The following CC2D1B variants were observed in gnomAD, a reference collection of about 807,000 sequenced individuals.
CC2D1B encodes the protein coiled-coil and C2 domain containing 1B.
CC2D1B carries 92 observed loss-of-function variants against 110.8 expected under a neutral mutation model. That is an observed-to-expected ratio of 0.83 (90% CI 0.70 to 0.99). The LOEUF (loss-of-function observed/expected upper bound fraction) is 0.99, where lower values mean the gene tolerates loss of function less well. Ranked by LOEUF, CC2D1B falls within the 50% of genes least tolerant of loss-of-function variation. CC2D1B has a pLI of 0.00. For synonymous variants in CC2D1B, 406 were observed against 429.2 expected (o/e 0.95, Z 0.67); for missense variants, 1,136 against 1,089.0 (o/e 1.04, Z -0.61).
chr1:52,358,593 A>G, intron 12 of CC2D1B, 93 bp downstream of exon 12: 1 of 1,559,908 alleles, frequency 6.4e-7, no homozygotes, highest in Non-Finnish European at 8.8e-7. Context: ...GGGGAGGCAG[A>G]CGCATGAGAA....
intron 5 of CC2D1B, 184 bp downstream of exon 5, chr1:52,360,790 G>T: frequency 1.1e-6 from 1 of 907,614 alleles, no homozygotes; most frequent in East Asian, 2.6e-5. Flanking sequence ...TAGGAGAACA[G>T]AGAGGCCTTT....
rs571093647 is a variant in CC2D1B at position 52,356,444 on chromosome 1, T to C, written c.1879-2A>G. 27 of 1,614,216 alleles carry C rather than the reference T, an allele frequency of 1.7e-5. No homozygotes were observed. The South Asian group carries it at 2.5e-4, about 15-fold the overall frequency. ...CTGCTTGGAGAACAGCAGGCACTTC[T>C]GAAAATAGAGGCCCAGAGTGACTCC... On this transcript the variant is annotated splice_acceptor_variant, in intron 16 of 24. Transcript: ENST00000284376. LOFTEE classifies it high-confidence loss of function.
chr1:52,352,993 G>A lies in CC2D1B; in HGVS notation c.*232C>T. The A allele has an allele frequency of 2.6e-6, 1 of 383,772 alleles. No homozygotes were observed. Among genetic ancestry groups the A allele is most frequent in the Non-Finnish European group, 5.3e-6 (1 of 190,468 alleles). The allele number at this position is 383,772 out of a possible 1,614,324, so 23.8% of individuals were successfully genotyped here. A position where few individuals can be genotyped will look rare whatever the true frequency, so the allele number is the denominator to read the frequency against. ...TGCCCTCTTCCAGACTCGGGGCAGG[G>A]GGAGACAGCGGGGAGATGGGCTCCT... On this transcript the variant is annotated 3_prime_UTR_variant, in exon 25 of 25. Transcript: ENST00000284376.
At position 52,357,036 on chromosome 1, in the gene CC2D1B, C is replaced by T. The variant is rs755889033; in HGVS notation, c.1843G>A (p.Ala615Thr). The T allele has an allele frequency of 2.4e-5, 38 of 1,582,376 alleles. No homozygotes were observed. The Admixed American group carries it at 6.8e-4, about 28-fold the overall frequency. ...RLSQKAEEVYAQLQKMLLEQQ... is the reference protein window; with the variant it reads ...RLSQKAEEVYTQLQKMLLEQQ... The stretch of plus-strand genomic sequence containing the variant: ...TCCAGAAGCATTTTTTGCAGCTGGG[C>T]ATACACCTCCTCCGCCTTCTGGGAG... The change falls in exon 16 of 25, where the codon GCC becomes ACC. Residue 615 changes from alanine to threonine, a missense_variant. Coordinates refer to ENST00000284376, the MANE Select transcript of CC2D1B (RefSeq NM_001330585.2).
At chr1:52,358,129 G>A (rs1036081409) in intron 13 of CC2D1B, 13 of 908,814 alleles carry the variant, frequency 1.4e-5, no homozygotes, top group Non-Finnish European at 2.1e-5. Flanking sequence ...GATGGAGCCG[G>A]GGCTCTGGGT....
At chr1:52,356,619 T>C in intron 16 of CC2D1B, 177 bp from the exon 17 acceptor site, 4 of 666,802 alleles carry the variant, frequency 6.0e-6, no homozygotes, top group South Asian at 5.7e-5. Context: ...GCCTACACTT[T>C]TGTCATTTTC....
Position 52,357,795 on chromosome 1 carries a change from G to A in CC2D1B, c.1565C>T (p.Ser522Leu), listed in dbSNP as rs2147892236. The A allele has an allele frequency of 1.3e-6, 2 of 1,591,230 alleles. No individual in the cohort carries two copies. Among genetic ancestry groups the A allele is most frequent in the Non-Finnish European group, 1.7e-6 (2 of 1,168,182 alleles). ...CCCCAACTCACCAGATGGACTCGGT[G>A]ACTCCTTAGAACTTGAGGCCCTGGG... ...PEPRASSSKE[S>L]PSPSVREQLA... Residue 522 changes from serine to leucine, a missense_variant, in exon 14 of 25, where the codon TCA becomes TTA. Transcript: ENST00000284376.
chr1:52,355,495 G>A (rs1331123329), intron 20 of CC2D1B, 46 bp from the exon 21 acceptor site: 3 of 1,611,730 alleles, frequency 1.9e-6, no homozygotes, highest in South Asian at 2.2e-5. Flanking sequence ...TAAACAAAGA[G>A]GCACACAGGG....
chr1:52,356,917 G>A lies in CC2D1B; in HGVS notation c.1878+84C>T. ...GGAAGAGCTGAGAATTTTGAGTCCA[G>A]GGCTGTGTGGTCTGAGCTCCAGGTC... On this transcript the variant is annotated intron_variant, in intron 16 of 24. Coordinates refer to ENST00000284376, the MANE Select transcript of CC2D1B (RefSeq NM_001330585.2). 3 of 1,448,586 alleles carry A rather than the reference G, an allele frequency of 2.1e-6. No individual in the cohort carries two copies. The South Asian group carries it at 4.1e-5, about 20-fold the overall frequency. 89.7% of individuals were successfully genotyped at this position (1,448,586 alleles called of 1,614,324 possible). A position where few individuals can be genotyped will look rare whatever the true frequency, so the allele number is the denominator to read the frequency against.
chr1:52,357,179 C>T, intron 15 of CC2D1B, 53 bp from the exon 16 acceptor site: 1 of 1,597,982 alleles, frequency 6.3e-7, no homozygotes, highest in East Asian at 2.2e-5. Context: ...ACTCCTCTAC[C>T]AAGTCCAACA....
Position 52,361,386 on chromosome 1 carries a change from A to C in CC2D1B, c.318+127T>G, listed in dbSNP as rs181714050. On this transcript the variant is annotated intron_variant, in intron 4 of 24. Transcript: ENST00000284376. Reference sequence around the variant, plus strand: ...GAGACACGCCACCCACTGTACAGCCAGGAGGGGCAAGCACTCACTCAGAGT... The same window carrying C: ...GAGACACGCCACCCACTGTACAGCCCGGAGGGGCAAGCACTCACTCAGAGT... 1.3e-3 allele frequency: 1,983 copies of C among 1,508,876 alleles called. 7 individuals carry two copies. The highest frequency in any genetic ancestry group is 1.6e-3 in the Non-Finnish European group (1,825 of 1,113,928). The allele number at this position is 1,508,876 out of a possible 1,614,324, so 93.5% of individuals were successfully genotyped here. A position where few individuals can be genotyped will look rare whatever the true frequency, so the allele number is the denominator to read the frequency against.
At position 52,353,372 on chromosome 1, in the gene CC2D1B, A is replaced by G. The variant is rs1646568214; in HGVS notation, c.*1+146T>C. On this transcript the variant is annotated intron_variant, in intron 24 of 24. Coordinates refer to ENST00000284376, the MANE Select transcript of CC2D1B (RefSeq NM_001330585.2). ...CTTCCCAGTTCTACTGAGGAACATCAGAAACTCAGCCCATAAGCCCTACCC... is the reference window on the plus strand; with the variant it reads ...CTTCCCAGTTCTACTGAGGAACATCGGAAACTCAGCCCATAAGCCCTACCC... 3.3e-6 allele frequency: 5 copies of G among 1,512,834 alleles called. No homozygotes were observed. The East Asian group carries it at 9.2e-5, about 28-fold the overall frequency. The allele number at this position is 1,512,834 out of a possible 1,614,324, so 93.7% of individuals were successfully genotyped here. A position where few individuals can be genotyped will look rare whatever the true frequency, so the allele number is the denominator to read the frequency against.
intron 22 of CC2D1B, 63 bp from the exon 23 acceptor site, chr1:52,354,761 A>C: frequency 1.2e-6 from 2 of 1,600,966 alleles, no homozygotes; most frequent in Middle Eastern, 1.7e-4. Context: ...GTGCTGGCTG[A>C]GCCCATGCAG....
rs1356001557 is a variant in CC2D1B at position 52,360,073 on chromosome 1, C to A, written c.763+1G>T. 6 of 1,574,622 alleles carry A rather than the reference C, an allele frequency of 3.8e-6. No individual in the cohort carries two copies. Among genetic ancestry groups the A allele is most frequent in the African/African-American group, 2.7e-5 (2 of 73,926 alleles). On this transcript the variant is annotated splice_donor_variant, in intron 7 of 24. Transcript: ENST00000284376. LOFTEE classifies it high-confidence loss of function. Reference sequence around the variant, plus strand: ...AACAGGATTTGGGCATCTGCAGATACCTGACTCCAAGGCAGGGGGAGCTGG... The same window carrying A: ...AACAGGATTTGGGCATCTGCAGATAACTGACTCCAAGGCAGGGGGAGCTGG...
chr1:52,354,118 A>G (rs995093505), intron 23 of CC2D1B, among the ~76,000 whole-genome samples: 1 of 152,190 alleles, frequency 6.6e-6, no homozygotes, highest in African/African-American at 2.4e-5. Context: ...AAGCAGTACA[A>G]TAGGCCCAAG....
In CC2D1B at chr1:52,356,166, G is replaced by T; in HGVS notation, c.2054+20C>A. On this transcript the variant is annotated intron_variant, in intron 18 of 24. Transcript: ENST00000284376. ...CTGCCCCTCCCTGCCTGGAGCCCCT[G>T]TTTCCCTAGGCCTTGGTACCTCACA... The T allele has an allele frequency of 6.5e-7, 1 of 1,539,808 alleles. No homozygotes were observed. Among genetic ancestry groups the T allele is most frequent in the Non-Finnish European group, 8.9e-7 (1 of 1,128,602 alleles).
rs1159283824 is a variant in CC2D1B, at chr1:52,359,884, C to T, written c.764-1G>A. The T allele has an allele frequency of 6.2e-7, 1 of 1,609,854 alleles. No homozygotes were observed. Among genetic ancestry groups the T allele is most frequent in the East Asian group, 2.2e-5 (1 of 44,802 alleles). On this transcript the variant is annotated splice_acceptor_variant, in intron 7 of 24. Coordinates refer to ENST00000284376, the MANE Select transcript of CC2D1B (RefSeq NM_001330585.2). LOFTEE classifies it high-confidence loss of function. Reference sequence around the variant, plus strand: ...CTGGTCTCAGGTTGGGAGGGGTTGTCTATAAGGAAACAAACAGTCCCCAGA... The same window carrying T: ...CTGGTCTCAGGTTGGGAGGGGTTGTTTATAAGGAAACAAACAGTCCCCAGA...
Position 52,360,450 on chromosome 1 carries a change from C to T in CC2D1B, c.577G>A (p.Ala193Thr). The change falls in exon 6 of 25, where the codon GCC (alanine) becomes ACC (threonine). Residue 193 changes from alanine (A) to threonine (T), a missense_variant. Physicochemically the swap from Ala to Thr is moderately conservative, Grantham distance 58. Transcript: ENST00000284376. ...SAKEAGEAAK[A>T]RRCERGLKTL... ...TTCAGGCCGCGCTCGCAGCGCCTGG[C>T]TTTGGCTGCTTCGCCTGCCTCCTTG... The T allele has an allele frequency of 6.2e-7, 1 of 1,613,932 alleles. No individual in the cohort carries two copies. Among genetic ancestry groups the T allele is most frequent in the Non-Finnish European group, 8.5e-7 (1 of 1,180,016 alleles).
chr1:52,354,635 A>G lies in CC2D1B; in HGVS notation c.2403T>C (p.Asn801=). Residue 801 remains asparagine, a synonymous_variant, in exon 23 of 25, where the codon AAT becomes AAC. Coordinates refer to ENST00000284376, the MANE Select transcript of CC2D1B (RefSeq NM_001330585.2). ...CCACAATTTCTCTGATCTCACACTC[A>G]TTCTCCAGCCGCTCCAGTTTCAGGT... The part of the protein sequence containing the change: ...TAHLKLERLE[N]ECEIREIVEV... The G allele has an allele frequency of 6.2e-7, 1 of 1,614,156 alleles. No individual in the cohort carries two copies. The highest frequency in any genetic ancestry group is 1.1e-5 in the South Asian group (1 of 91,084).
Sources: gnomAD v4.1 joint callset for allele counts (sites outside exome capture counted in the v4.1 genomes callset) on GRCh38, gnomAD v4.1.1 for gene constraint, MANE v1.5 for transcripts, NCBI Gene and HGNC (gene_info 2026-07-23, HGNC 2026-07-21) for gene names.